Variants in RHOBTB1 observed in about 807,000 individuals in gnomAD.
RHOBTB1 encodes rho-related BTB domain-containing protein 1.
Under a neutral mutation model 71.6 loss-of-function variants are expected in RHOBTB1, and 40 were observed. The observed-to-expected ratio is 0.56, with a 90% CI of 0.43 to 0.73. The LOEUF is 0.73. RHOBTB1 is among the 30% of genes least tolerant of loss of function. The pLI is 0.00. For missense variants in RHOBTB1, 797 were observed against 894.0 expected (o/e 0.89, Z 1.38); for synonymous variants, 319 against 334.9 (o/e 0.95, Z 0.52).
At chr10:60,928,702 G>C (rs1302959876) in intron 2 of RHOBTB1, among the ~76,000 whole-genome samples, 1 of 152,048 alleles carries the variant, frequency 6.6e-6, no homozygotes, top group Non-Finnish European at 1.5e-5. Context: ...GTAAGATCTA[G>C]TGTTTGGTAG....
At chr10:60,887,410 C>T (rs138240569) in intron 6 of RHOBTB1, among the ~76,000 whole-genome samples, 28 of 152,274 alleles carry the variant, frequency 1.8e-4, no homozygotes, top group African/African-American at 5.8e-4. Flanking sequence ...CAACATTTTA[C>T]GATGAAATTA....
At chr10:60,868,911 C>T (rs571075313), downstream of RHOBTB1, among the ~76,000 whole-genome samples, 1 of 152,322 alleles carries the variant, frequency 6.6e-6, no homozygotes, top group South Asian at 2.1e-4. Flanking sequence ...CCTTCCCATA[C>T]AGTTATGGGT....
intron 2 of RHOBTB1, among the ~76,000 whole-genome samples, chr10:60,933,267 A>C (rs2084363336): frequency 1.3e-5 from 2 of 152,226 alleles, no homozygotes; most frequent in Non-Finnish European, 2.9e-5. Flanking sequence ...CAATTTTAAA[A>C]AGCAGGATGA....
chr10:60,986,413 A>ATATATATATG (rs1554860049), intron 1 of RHOBTB1, among the ~76,000 whole-genome samples: 1 of 143,198 alleles, frequency 7.0e-6, no homozygotes, highest in South Asian at 2.2e-4. Context: ...AGATATATAT[A>ATATATATATG]TATATATATA....
intron 7 of RHOBTB1, among the ~76,000 whole-genome samples, chr10:60,880,423 A>C (rs140647945): frequency 3.7e-4 from 56 of 152,300 alleles, no homozygotes; most frequent in African/African-American, 1.1e-3. Context: ...TCAGAGAGGG[A>C]ATATCCTTTC....
At chr10:60,863,075 T>G in the RHOBTB1 span, among the ~76,000 whole-genome samples, 1 of 152,176 alleles carries the variant, frequency 6.6e-6, no homozygotes, top group Non-Finnish European at 1.5e-5. Flanking sequence ...TGTGCATGTG[T>G]AGGGTGATGA....
downstream of RHOBTB1, among the ~76,000 whole-genome samples, chr10:60,865,877 G>T (rs191144511): frequency 1.4e-3 from 215 of 152,240 alleles, 1 homozygote; most frequent in Non-Finnish European, 2.7e-3. Flanking sequence ...TGTCACCCAG[G>T]CTGGAGTGCA....
At chr10:60,946,112 A>T (rs1169898937), upstream of RHOBTB1, among the ~76,000 whole-genome samples, 3 of 151,818 alleles carry the variant, frequency 2.0e-5, no homozygotes, top group Non-Finnish European at 2.9e-5. Context: ...TGGGAGGCGG[A>T]GGTTGCAGTG....
intron 2 of RHOBTB1, among the ~76,000 whole-genome samples, chr10:60,983,129 T>A (rs1410807265): frequency 6.6e-6 from 1 of 152,208 alleles, no homozygotes; most frequent in African/African-American, 2.4e-5. Context: ...AGGAATATTA[T>A]GTTGGGAATC....
intron 4 of RHOBTB1, among the ~76,000 whole-genome samples, chr10:60,903,969 T>C (rs991663283): frequency 1.3e-5 from 2 of 152,152 alleles, no homozygotes; most frequent in Non-Finnish European, 2.9e-5. Context: ...TCTTTTCTTT[T>C]CTTTTTTTTT....
chr10:60,935,681 C>G (rs1218965481), intron 2 of RHOBTB1, among the ~76,000 whole-genome samples: 1 of 151,724 alleles, frequency 6.6e-6, no homozygotes, highest in African/African-American at 2.4e-5. Context: ...CCCATTAGTG[C>G]CAGTATTAAA....
At chr10:60,885,952 A>C (rs769917294) in intron 7 of RHOBTB1, among the ~76,000 whole-genome samples, 160 bp downstream of exon 7, 1 of 152,206 alleles carries the variant, frequency 6.6e-6, no homozygotes, top group Non-Finnish European at 1.5e-5. Flanking sequence ...AAGCACTACT[A>C]AGGAGCAATA....
intron 5 of RHOBTB1, among the ~76,000 whole-genome samples, chr10:60,890,245 C>G (rs181936279): frequency 3.3e-5 from 5 of 152,104 alleles, no homozygotes; most frequent in South Asian, 2.1e-4. Context: ...CTTCTTCAAG[C>G]CTTCTTTTGC....
At chr10:60,984,311 T>C (rs2086593972) in intron 2 of RHOBTB1, among the ~76,000 whole-genome samples, 1 of 152,098 alleles carries the variant, frequency 6.6e-6, no homozygotes, top group South Asian at 2.1e-4. Flanking sequence ...AATAGGAAAA[T>C]TTAAACTAAA....
At chr10:60,927,656 T>C (rs567108303) in intron 2 of RHOBTB1, among the ~76,000 whole-genome samples, 3 of 152,264 alleles carry the variant, frequency 2.0e-5, no homozygotes, top group East Asian at 1.9e-4. Flanking sequence ...AAACTGGCTA[T>C]CCATAAGCAG....
chr10:60,967,136 C>A (rs1333285157), intron 2 of RHOBTB1, among the ~76,000 whole-genome samples: 1 of 151,660 alleles, frequency 6.6e-6, no homozygotes, highest in Non-Finnish European at 1.5e-5. Flanking sequence ...GAGACCTGAA[C>A]GGTATGCATT....
intron 6 of RHOBTB1, among the ~76,000 whole-genome samples, chr10:60,887,891 G>T (rs1405070895): frequency 1.3e-5 from 2 of 152,160 alleles, no homozygotes; most frequent in Admixed American, 1.3e-4. Flanking sequence ...TACCATGGTG[G>T]TTTATGGAAC....
upstream of RHOBTB1, chr10:61,001,585 C>G (rs1043285668): frequency 2.6e-5 from 4 of 152,200 alleles, no homozygotes; most frequent in Admixed American, 2.0e-4. Flanking sequence ...ACCTCGCTCC[C>G]GGCCCGGCAG....
At chr10:60,891,013 T>C (rs987037774) in intron 5 of RHOBTB1, among the ~76,000 whole-genome samples, 5 of 152,236 alleles carry the variant, frequency 3.3e-5, no homozygotes, top group African/African-American at 1.2e-4. Flanking sequence ...TTGTGAGGAC[T>C]GATTATCATA....
Sources: allele counts gnomAD v4.1 joint callset (sites outside exome capture counted in the v4.1 genomes callset), GRCh38; gene constraint gnomAD v4.1.1; transcripts MANE v1.5; gene names NCBI Gene and HGNC (gene_info 2026-07-23, HGNC 2026-07-21).